The following SLCO2A1 variants were observed in gnomAD, a reference collection of about 807,000 sequenced individuals.
SLCO2A1 encodes the protein matrin F/G 1.
A neutral mutation model predicts 71.7 loss-of-function variants in SLCO2A1; 60 were observed. The observed-to-expected ratio is 0.84, with a 90% CI of 0.68 to 1.04. The LOEUF (loss-of-function observed/expected upper bound fraction) is 1.04. Ranked by LOEUF, SLCO2A1 falls within the 50% of genes least tolerant of loss-of-function variation. The pLI is 0.00. For missense variants in SLCO2A1, 745 were observed against 813.4 expected (o/e 0.92, Z 1.02); for synonymous variants, 308 against 326.7 (o/e 0.94, Z 0.62).
chr3:133,948,393 T>C (rs1933642043), intron 8 of SLCO2A1, 143 bp downstream of exon 8: 11 of 793,304 alleles, frequency 1.4e-5, no homozygotes, highest in Non-Finnish European at 2.1e-5. Flanking sequence ...AAACTGTCCT[T>C]AAAATTCTTT....
At chr3:133,976,281 A>T (rs1174386674) in intron 2 of SLCO2A1, among the ~76,000 whole-genome samples, 1 of 152,224 alleles carries the variant, frequency 6.6e-6, no homozygotes, top group Non-Finnish European at 1.5e-5. Context: ...TGCTTCCCAG[A>T]TTTCGTTTAT....
intron 1 of SLCO2A1, among the ~76,000 whole-genome samples, chr3:133,986,424 T>C (rs1445113789): frequency 6.6e-6 from 1 of 152,204 alleles, no homozygotes; most frequent in Non-Finnish European, 1.5e-5. Context: ...TGCGTGTGTG[T>C]TAAGGTAAAC....
At chr3:134,005,481 A>ATTT (rs35386403) in intron 1 of SLCO2A1, among the ~76,000 whole-genome samples, 3,129 of 133,872 alleles carry the variant, frequency 0.023, 146 homozygotes, top group African/African-American at 0.07. Flanking sequence ...ATGTGTTATA[A>ATTT]TTTTTTTTTT....
intron 3 of SLCO2A1, among the ~76,000 whole-genome samples, chr3:133,961,487 T>C (rs1366912640): frequency 6.6e-6 from 1 of 152,238 alleles, no homozygotes; most frequent in African/African-American, 2.4e-5. Context: ...AGGTATTTAA[T>C]GGTCATCAAA....
chr3:134,008,427 C>G (rs1455391814), intron 1 of SLCO2A1, among the ~76,000 whole-genome samples: 3 of 152,128 alleles, frequency 2.0e-5, no homozygotes, highest in Non-Finnish European at 4.4e-5. Context: ...GTCTTGGCCT[C>G]AAAATTCAGA....
chr3:133,973,472 G>C (rs550797393), intron 3 of SLCO2A1, among the ~76,000 whole-genome samples, 191 bp downstream of exon 3: 11 of 152,352 alleles, frequency 7.2e-5, no homozygotes, highest in African/African-American at 2.6e-4. Flanking sequence ...CAGGAGGTGA[G>C]CCATGCACTG....
intron 1 of SLCO2A1, among the ~76,000 whole-genome samples, chr3:133,988,114 C>T (rs1385459706): frequency 6.6e-6 from 1 of 152,196 alleles, no homozygotes; most frequent in African/African-American, 2.4e-5. Flanking sequence ...AAAATTTAAC[C>T]TGAGAGACTG....
chr3:133,947,365 C>T lies in SLCO2A1; in HGVS notation c.1186G>A (p.Ala396Thr), dbSNP rs34550074. Residue 396 changes from alanine to threonine, a missense_variant, in exon 9 of 14, where the codon GCC (alanine) becomes ACC (threonine). Transcript: ENST00000310926. Reference sequence around the variant, plus strand: ...ATGGTGGTAGCTATGCGGGGAATGGCTTGTAGAGAGAAAACAAAGCGCTTC... The same window carrying T: ...ATGGTGGTAGCTATGCGGGGAATGGTTTGTAGAGAGAAAACAAAGCGCTTC... Reference protein sequence around the residue: ...LMKRFVFSLQAIPRIATTIIT... With the variant: ...LMKRFVFSLQTIPRIATTIIT... 0.21 allele frequency: 343,287 copies of T among 1,613,572 alleles called. 39,192 individuals carry two copies. Among genetic ancestry groups the T allele is most frequent in the African/African-American group, 0.41 (30,361 of 74,842 alleles).
chr3:134,000,701 A>C (rs562114781), intron 1 of SLCO2A1, among the ~76,000 whole-genome samples: 52 of 152,342 alleles, frequency 3.4e-4, no homozygotes, highest in Non-Finnish European at 6.5e-4. Flanking sequence ...TCAATCCAAG[A>C]CCAATCCCCA....
intron 3 of SLCO2A1, among the ~76,000 whole-genome samples, chr3:133,969,213 C>T (rs1301348549): frequency 5.9e-5 from 9 of 152,154 alleles, no homozygotes; most frequent in Non-Finnish European, 1.2e-4. Flanking sequence ...GGGTGGATCA[C>T]AAGGTCAGGA....
chr3:133,949,307 C>T (rs752916245), intron 6 of SLCO2A1: 18 of 289,164 alleles, frequency 6.2e-5, no homozygotes, highest in East Asian at 2.6e-4. Flanking sequence ...GTCATGGCTA[C>T]GCTTCTCCCC....
At chr3:133,944,799 C>T (rs911964428) in intron 10 of SLCO2A1, among the ~76,000 whole-genome samples, 7 of 152,244 alleles carry the variant, frequency 4.6e-5, no homozygotes, top group Non-Finnish European at 1.0e-4. Flanking sequence ...TCAAAGGCCT[C>T]AGCTGAAGGA....
chr3:134,008,006 G>A (rs1343923680), intron 1 of SLCO2A1, among the ~76,000 whole-genome samples: 2 of 152,090 alleles, frequency 1.3e-5, no homozygotes, highest in Non-Finnish European at 2.9e-5. Context: ...CATGTTGATG[G>A]AAACCATAAT....
intron 2 of SLCO2A1, among the ~76,000 whole-genome samples, chr3:133,974,497 G>T (rs887026307): frequency 1.3e-5 from 2 of 152,172 alleles, no homozygotes; most frequent in Non-Finnish European, 2.9e-5. Flanking sequence ...GAGGGTTTCT[G>T]CCCAAGCAGC....
At chr3:134,004,846 T>C (rs1471816072) in intron 1 of SLCO2A1, among the ~76,000 whole-genome samples, 1 of 152,172 alleles carries the variant, frequency 6.6e-6, no homozygotes, top group African/African-American at 2.4e-5. Context: ...CCTTAAGAAA[T>C]CAAGGACTTC....
At chr3:134,022,966 C>T (rs188185674) in intron 1 of SLCO2A1, among the ~76,000 whole-genome samples, 14 of 152,254 alleles carry the variant, frequency 9.2e-5, no homozygotes, top group Admixed American at 7.8e-4. Flanking sequence ...AAAACTAAGT[C>T]TTTTAGCACA....
chr3:133,979,229 G>T (rs1371708587), intron 2 of SLCO2A1, among the ~76,000 whole-genome samples: 1 of 152,222 alleles, frequency 6.6e-6, no homozygotes, highest in African/African-American at 2.4e-5. Context: ...TGCTGGCAAG[G>T]CTGCCATGAA....
intron 11 of SLCO2A1, among the ~76,000 whole-genome samples, chr3:133,940,887 C>T (rs1415634093): frequency 2.0e-5 from 3 of 152,194 alleles, no homozygotes; most frequent in Admixed American, 6.5e-5. Flanking sequence ...CATGAGTTAA[C>T]GTTTCCTCCA....
chr3:133,998,621 G>A (rs1935032602), intron 1 of SLCO2A1: 1 of 152,220 alleles, frequency 6.6e-6, no homozygotes, highest in African/African-American at 2.4e-5. Context: ...AAACTGAAGG[G>A]GCCTTCCTTT....
Sources: allele counts gnomAD v4.1 joint callset (sites outside exome capture counted in the v4.1 genomes callset), GRCh38; gene constraint gnomAD v4.1.1; transcripts MANE v1.5; gene names NCBI Gene and HGNC (gene_info 2026-07-23, HGNC 2026-07-21).